TRABD2B: variants seen among roughly 807,000 people sequenced by gnomAD.
The protein encoded by TRABD2B is TraB domain containing 2B.
TRABD2B carries 14 observed loss-of-function variants against 40.1 expected under a neutral mutation model. The observed-to-expected ratio is 0.35, with a 90% CI of 0.23 to 0.55. The LOEUF (loss-of-function observed/expected upper bound fraction) is 0.55, where lower values mean the gene tolerates loss of function less well. TRABD2B is among the 20% of genes least tolerant of loss of function. The pLI is 0.90. For synonymous variants in TRABD2B, 263 were observed against 277.0 expected, an observed-to-expected ratio of 0.95 and a Z score of 0.50; for missense variants, 541 against 648.6, an observed-to-expected ratio of 0.83 and a Z score of 1.80.
chr1:47,896,683 G>T (rs987474014), intron 2 of TRABD2B, among the ~76,000 whole-genome samples: 2 of 152,166 alleles, frequency 1.3e-5, no homozygotes, highest in African/African-American at 4.8e-5. Context: ...CCTCTCTGAG[G>T]TACCTCTACC....
chr1:47,896,301 G>A (rs551266476), intron 2 of TRABD2B, among the ~76,000 whole-genome samples: 6 of 152,264 alleles, frequency 3.9e-5, no homozygotes, highest in South Asian at 2.1e-4. Flanking sequence ...TGGGGGTCTC[G>A]GGTTACAGAG....
At chr1:47,816,284 C>T (rs1369165305) in intron 2 of TRABD2B, among the ~76,000 whole-genome samples, 1 of 152,218 alleles carries the variant, frequency 6.6e-6, no homozygotes, top group Admixed American at 6.5e-5. Context: ...GGGGAAAGGG[C>T]ATGCTGTGTG....
chr1:47,776,768 C>T (rs139807652), intron 5 of TRABD2B, among the ~76,000 whole-genome samples: 2 of 152,284 alleles, frequency 1.3e-5, no homozygotes, highest in African/African-American at 4.8e-5. Context: ...TCACACGGCA[C>T]GATGGGTGAG....
At position 47,904,097 on chromosome 1, in the gene TRABD2B, G is replaced by C. The variant is rs926739687; in HGVS notation, c.666+89937C>G. ...TTGAGCACAAACTAAAATAAGGCCT[G>C]CAGAAGGAGCTGTAACAGGGCACTG... On this transcript the variant is annotated intron_variant, in intron 2 of 6. Coordinates refer to ENST00000606738, the MANE Select transcript of TRABD2B (RefSeq NM_001194986.2). Among the ~76,000 whole-genome samples the C allele has an allele frequency of 1.2e-4, 18 of 152,212 alleles. No individual in the cohort carries two copies. In the East Asian group the frequency reaches 3.3e-3, roughly 28 times the overall value.
chr1:47,772,205 C>T (rs1329247346), intron 6 of TRABD2B, among the ~76,000 whole-genome samples: 1 of 151,976 alleles, frequency 6.6e-6, no homozygotes, highest in Non-Finnish European at 1.5e-5. Flanking sequence ...AGTCTGTTTC[C>T]TCTGGTATAA....
chr1:47,775,353 G>T lies in TRABD2B; in HGVS notation c.1166C>A (p.Ala389Glu). Residue 389 changes from alanine to glutamate, a missense_variant, in exon 6 of 7, where the codon GCA becomes GAA. Ala to Glu is a moderately radical substitution (Grantham distance 107). This residue lies in a region of TRABD2B where 172 missense variants were observed against 155.8 expected (regional missense o/e 1.10). Coordinates refer to ENST00000606738, the MANE Select transcript of TRABD2B (RefSeq NM_001194986.2). The stretch of plus-strand genomic sequence containing the variant: ...TGGGGCGGTGGGGGTCACAGAGGGT[G>T]CTTCGGGGACAGCGGCAGCTGGGGT... ...PVTPAAAVPE[A>E]PSVTPTAPPE... The T allele has an allele frequency of 8.1e-7, 1 of 1,239,866 alleles. No individual in the cohort carries two copies. The highest frequency in any genetic ancestry group is 1.5e-5 in the African/African-American group (1 of 64,748). The allele number at this position is 1,239,866 out of a possible 1,614,324, so 76.8% of individuals were successfully genotyped here.
At chr1:47,777,994 T>C (rs984527953) in intron 5 of TRABD2B, among the ~76,000 whole-genome samples, 11 of 152,236 alleles carry the variant, frequency 7.2e-5, no homozygotes, top group Middle Eastern at 3.4e-3. Flanking sequence ...GTGAGGGGCA[T>C]AGCCAGAGAC....
At chr1:47,814,349 C>T (rs1166449787) in intron 2 of TRABD2B, among the ~76,000 whole-genome samples, 1 of 152,216 alleles carries the variant, frequency 6.6e-6, no homozygotes, top group African/African-American at 2.4e-5. Flanking sequence ...GATCATCAGG[C>T]TTTCTCTTTA....
intron 6 of TRABD2B, among the ~76,000 whole-genome samples, chr1:47,772,662 G>C (rs929173447): frequency 4.6e-5 from 7 of 152,110 alleles, no homozygotes; most frequent in African/African-American, 1.7e-4. Flanking sequence ...TTGTTAGAAG[G>C]ACTATCAGTG....
chr1:47,776,888 C>T (rs2124070311), intron 5 of TRABD2B, among the ~76,000 whole-genome samples: 1 of 152,338 alleles, frequency 6.6e-6, no homozygotes. Flanking sequence ...GCCGCAGCTG[C>T]TGGGGAGATA....
intron 3 of TRABD2B, among the ~76,000 whole-genome samples, chr1:47,800,050 C>A (rs138233236): frequency 6.6e-6 from 1 of 151,686 alleles, no homozygotes; most frequent in African/African-American, 2.4e-5. Flanking sequence ...ATTCATTCAG[C>A]AAATGTTTAC....
chr1:47,956,432 G>A (rs544634373), intron 2 of TRABD2B, among the ~76,000 whole-genome samples: 25 of 152,324 alleles, frequency 1.6e-4, no homozygotes, highest in African/African-American at 5.8e-4. Context: ...GAAACTCAAG[G>A]GGTCGGGGAA....
chr1:47,893,248 A>C (rs1423356027), intron 2 of TRABD2B, among the ~76,000 whole-genome samples: 1 of 152,108 alleles, frequency 6.6e-6, no homozygotes, highest in Non-Finnish European at 1.5e-5. Context: ...AAAAAAAAAA[A>C]CAAAAACAAA....
Position 47,794,737 on chromosome 1 carries a change from G to T in TRABD2B, c.837C>A (p.Thr279=), listed in dbSNP as rs1457933750. The part of the protein sequence containing the change: ...TSQLPNFINT[T]LPPHEQVTAQ... ...CCGTCACCTGCTCGTGTGGCGGGAG[G>T]GTGGTGTTGATAAAGTTGGGCAGCT... Residue 279 remains threonine (T), a synonymous_variant, in exon 4 of 7, where the codon ACC becomes ACA. Coordinates refer to ENST00000606738, the MANE Select transcript of TRABD2B (RefSeq NM_001194986.2). 6.5e-7 allele frequency: 1 copy of T among 1,534,292 alleles called. No individual in the cohort carries two copies. The highest frequency in any genetic ancestry group is 2.5e-5 in the East Asian group (1 of 40,808).
intron 2 of TRABD2B, among the ~76,000 whole-genome samples, chr1:47,827,560 T>C (rs1645192941): frequency 6.6e-6 from 1 of 152,210 alleles, no homozygotes. Context: ...TTGTCTTGTT[T>C]GTGTTGAGGT....
intron 2 of TRABD2B, among the ~76,000 whole-genome samples, chr1:47,821,840 T>C (rs971700140): frequency 6.6e-6 from 1 of 152,100 alleles, no homozygotes; most frequent in African/African-American, 2.4e-5. Context: ...CTTCAGGCTG[T>C]CATCATCCCT....
chr1:47,817,427 C>A (rs566821078), intron 2 of TRABD2B, among the ~76,000 whole-genome samples: 1 of 152,086 alleles, frequency 6.6e-6, no homozygotes, highest in African/African-American at 2.4e-5. Context: ...AGCTGTGGAA[C>A]CTCCCTTTTC....
rs115161642 is a variant in TRABD2B at position 47,839,542 on chromosome 1, G to A, written c.667-37923C>T. Among the ~76,000 whole-genome samples, 700 of 152,236 alleles carry A rather than the reference G, an allele frequency of 4.6e-3. 7 individuals carry two copies. Among genetic ancestry groups the A allele is most frequent in the African/African-American group, 0.016 (684 of 41,542 alleles). On this transcript the variant is annotated intron_variant, in intron 2 of 6. Coordinates refer to ENST00000606738, the MANE Select transcript of TRABD2B (RefSeq NM_001194986.2). ...GAGTAGTGGATCAACCTCCTCTCTG[G>A]ATCCCTGCCATCCACGCTCCAGCCT...
intron 2 of TRABD2B, among the ~76,000 whole-genome samples, chr1:47,835,597 A>C (rs1036021741): frequency 1.3e-5 from 2 of 152,240 alleles, no homozygotes; most frequent in Non-Finnish European, 2.9e-5. Flanking sequence ...GAAATCATGG[A>C]GGCCAGAAGG....
Sources: allele counts gnomAD v4.1 joint callset (sites outside exome capture counted in the v4.1 genomes callset), GRCh38; gene constraint gnomAD v4.1.1; regional missense constraint gnomAD v4.1.1; transcripts MANE v1.5; gene names NCBI Gene and HGNC (gene_info 2026-07-23, HGNC 2026-07-21).